Variants in PRKG1 observed in about 807,000 individuals in gnomAD.
PRKG1 encodes the protein cGMP-dependent protein kinase 1.
PRKG1 carries 35 observed loss-of-function variants against 88.1 expected under a neutral mutation model. The ratio of observed to expected loss-of-function variants is 0.40; its 90% CI spans 0.30 to 0.53. PRKG1 has a LOEUF of 0.53. Among genes scored for constraint, PRKG1 ranks in the 20% least tolerant of loss-of-function variants. The pLI, the probability that PRKG1 is intolerant of heterozygous loss-of-function variation, is 0.59. For missense variants in PRKG1, 540 were observed against 839.8 expected (o/e 0.64, Z 4.41); for synonymous variants, 303 against 292.5 (o/e 1.04, Z -0.37).
chr10:51,027,846 G>T (rs1465659542), intron 1 of PRKG1, among the ~76,000 whole-genome samples: 1 of 152,072 alleles, frequency 6.6e-6, no homozygotes. Context: ...TGCAACCCAG[G>T]AACCCTTAAT....
At chr10:51,197,076 T>C (rs1837787578) in intron 2 of PRKG1, among the ~76,000 whole-genome samples, 1 of 152,166 alleles carries the variant, frequency 6.6e-6, no homozygotes, top group Admixed American at 6.6e-5. Context: ...GTCTTTGGTA[T>C]GGCTTTAATT....
At chr10:51,844,796 G>T (rs903663889) in intron 4 of PRKG1, among the ~76,000 whole-genome samples, 1 of 152,096 alleles carries the variant, frequency 6.6e-6, no homozygotes, top group African/African-American at 2.4e-5. Flanking sequence ...GACAGAGGGA[G>T]GTGATGTTGT....
intron 3 of PRKG1, among the ~76,000 whole-genome samples, chr10:51,727,433 G>C (rs539175103): frequency 6.6e-6 from 1 of 152,188 alleles, no homozygotes; most frequent in South Asian, 2.1e-4. Flanking sequence ...GTAGAAAGGG[G>C]TCAATGTGTC....
At chr10:51,697,650 T>A in intron 3 of PRKG1, 1 of 1,583,726 alleles carries the variant, frequency 6.3e-7, no homozygotes, top group Non-Finnish European at 8.6e-7. Flanking sequence ...CCATTCTCCA[T>A]GCTACAGAAT....
intron 2 of PRKG1, among the ~76,000 whole-genome samples, chr10:51,421,080 T>C (rs1267107007): frequency 2.0e-5 from 3 of 152,208 alleles, no homozygotes; most frequent in Non-Finnish European, 4.4e-5. Context: ...ATCCAAACTA[T>C]ATCACAAGTC....
chr10:51,398,279 G>A (rs562429217), intron 2 of PRKG1, among the ~76,000 whole-genome samples: 15 of 152,250 alleles, frequency 9.9e-5, no homozygotes, highest in African/African-American at 3.6e-4. Flanking sequence ...ATTCTCAAAA[G>A]GGGTGTGCAG....
chr10:51,435,015 T>C (rs1838879415), intron 2 of PRKG1, among the ~76,000 whole-genome samples: 1 of 152,004 alleles, frequency 6.6e-6, no homozygotes, highest in South Asian at 2.1e-4. Context: ...AACATTTTAA[T>C]CACCATAAAA....
intron 2 of PRKG1, among the ~76,000 whole-genome samples, chr10:51,328,940 T>TG (rs1841661134): frequency 6.6e-6 from 1 of 152,178 alleles, no homozygotes; most frequent in African/African-American, 2.4e-5. Context: ...TGGAGTTACT[T>TG]GTACTCTTGC....
intron 5 of PRKG1, among the ~76,000 whole-genome samples, chr10:51,939,895 A>G (rs1337601682): frequency 6.6e-6 from 1 of 151,958 alleles, no homozygotes; most frequent in African/African-American, 2.4e-5. Context: ...AGTTATTCCT[A>G]TAGGTGACTT....
At chr10:52,290,112 C>A in intron 16 of PRKG1, 112 bp from the exon 17 acceptor site, 2 of 741,064 alleles carry the variant, frequency 2.7e-6, no homozygotes, top group Non-Finnish European at 4.4e-6. Context: ...ATTTTTGTCA[C>A]ATGAAAATGT....
intron 2 of PRKG1, among the ~76,000 whole-genome samples, chr10:51,437,135 T>C (rs538958638): frequency 8.9e-4 from 136 of 152,130 alleles, no homozygotes; most frequent in African/African-American, 3.2e-3. Context: ...GAAGTCTAAC[T>C]AGGAGAGATA....
At chr10:51,978,811 T>A (rs2133104298) in intron 5 of PRKG1, among the ~76,000 whole-genome samples, 1 of 152,260 alleles carries the variant, frequency 6.6e-6, no homozygotes, top group East Asian at 1.9e-4. Flanking sequence ...ATGTTGATTT[T>A]GTTTCCTGAG....
intron 7 of PRKG1, among the ~76,000 whole-genome samples, chr10:52,072,331 C>A (rs1368101398): frequency 6.6e-6 from 1 of 151,374 alleles, no homozygotes; most frequent in Non-Finnish European, 1.5e-5. Context: ...TGTGGCTGTC[C>A]AAAACAAAAC....
At chr10:51,982,707 A>C (rs1844041318) in intron 5 of PRKG1, among the ~76,000 whole-genome samples, 1 of 149,256 alleles carries the variant, frequency 6.7e-6, no homozygotes, top group Non-Finnish European at 1.5e-5. Flanking sequence ...GTGCTCCTGG[A>C]CCACTGTTCA....
At chr10:52,247,919 G>A (rs1005173725) in intron 9 of PRKG1, among the ~76,000 whole-genome samples, 26 of 152,246 alleles carry the variant, frequency 1.7e-4, no homozygotes, top group Non-Finnish European at 3.1e-4. Flanking sequence ...TGAGAGCCCC[G>A]AACAGAGATT....
chr10:51,672,473 A>G (rs1840606876), intron 3 of PRKG1, among the ~76,000 whole-genome samples: 1 of 150,982 alleles, frequency 6.6e-6, no homozygotes, highest in Non-Finnish European at 1.5e-5. Flanking sequence ...ACCATTTTTT[A>G]ATATTTATAG....
intron 9 of PRKG1, among the ~76,000 whole-genome samples, chr10:52,234,883 A>T (rs1194191235): frequency 4.6e-5 from 5 of 109,056 alleles, no homozygotes; most frequent in Middle Eastern, 4.0e-3. Context: ...CAAAGTTGAA[A>T]TGAAGGAAAA....
intron 12 of PRKG1, among the ~76,000 whole-genome samples, chr10:52,278,774 G>A (rs187132472): frequency 5.0e-4 from 76 of 151,924 alleles, no homozygotes; most frequent in Admixed American, 8.5e-4. Context: ...ATGGTGGTGC[G>A]TGCCTGTAGT....
At chr10:52,138,038 T>A (rs1213588494) in intron 8 of PRKG1, among the ~76,000 whole-genome samples, 4 of 152,126 alleles carry the variant, frequency 2.6e-5, no homozygotes, top group Non-Finnish European at 5.9e-5. Context: ...ATTTAAATTA[T>A]CAGGGTCCTA....
Sources: allele counts gnomAD v4.1 joint callset (sites outside exome capture counted in the v4.1 genomes callset), GRCh38; gene constraint gnomAD v4.1.1; transcripts MANE v1.5; gene names NCBI Gene and HGNC (gene_info 2026-07-23, HGNC 2026-07-21).